CACNA1C: variants seen among roughly 807,000 people sequenced by gnomAD.
The protein encoded by CACNA1C is calcium voltage-gated channel subunit alpha1 C, also known as voltage-dependent L-type calcium channel subunit alpha-1C.
In CACNA1C, 30 loss-of-function variants were observed where a neutral mutation model predicts 229.0. That is an observed-to-expected ratio of 0.13 (90% CI 0.10 to 0.18). CACNA1C has a LOEUF of 0.18. Among genes scored for constraint, CACNA1C ranks in the 10% least tolerant of loss-of-function variants. CACNA1C has a pLI of 1.00. For missense variants in CACNA1C, 1,658 were observed against 2,845.0 expected, an observed-to-expected ratio of 0.58 and a Z score of 9.49; for synonymous variants, 1,114 against 1,132.5, an observed-to-expected ratio of 0.98 and a Z score of 0.33.
intron 3 of CACNA1C, among the ~76,000 whole-genome samples, chr12:2,187,531 C>T (rs2097077844): frequency 6.6e-6 from 1 of 151,288 alleles, no homozygotes. Context: ...CTGCGCAGGG[C>T]TTAGTTTGTT....
chr12:2,608,851 G>A lies in CACNA1C; in HGVS notation c.3558+139G>A. 1.2e-6 allele frequency: 1 copy of A among 814,300 alleles called. No homozygotes were observed. The highest frequency in any genetic ancestry group is 1.9e-6 in the Non-Finnish European group (1 of 520,022). 50.4% of individuals were successfully genotyped at this position (814,300 alleles called of 1,614,324 possible). ...TCTCTCTATTCCTCAACCAGAGTGG[G>A]CTGTCAGTCTTTTTGAGGGACCTGT... is the stretch of plus-strand genomic sequence containing the variant. On this transcript the variant is annotated intron_variant, in intron 27 of 46. Coordinates refer to ENST00000399655, the MANE Select transcript of CACNA1C (RefSeq NM_000719.7). The surrounding 1 kb of genome is among the most constrained non-coding windows in gnomAD (Gnocchi z 4.2).
intron 9 of CACNA1C, among the ~76,000 whole-genome samples, chr12:2,518,761 T>C (rs1422738766): frequency 6.6e-6 from 1 of 152,156 alleles, no homozygotes; most frequent in Non-Finnish European, 1.5e-5. Flanking sequence ...TTTGTTTTTG[T>C]CCTTGATTCT....
chr12:2,558,762 G>A (rs1216826845), intron 11 of CACNA1C, among the ~76,000 whole-genome samples: 1 of 152,142 alleles, frequency 6.6e-6, no homozygotes, highest in Admixed American at 6.5e-5. Context: ...GGGGACCCTG[G>A]TGTCTGACTT....
At chr12:2,419,994 G>T (rs1275328555) in intron 3 of CACNA1C, among the ~76,000 whole-genome samples, 1 of 152,118 alleles carries the variant, frequency 6.6e-6, no homozygotes, top group Non-Finnish European at 1.5e-5. Context: ...TTTCAGCCTT[G>T]CTCTGGCCCT....
intron 3 of CACNA1C, among the ~76,000 whole-genome samples, chr12:2,224,267 C>A (rs553742298): frequency 6.6e-6 from 1 of 152,276 alleles, no homozygotes; most frequent in South Asian, 2.1e-4. Context: ...AAGAGGCCTA[C>A]AAGAGAAAGT....
intron 1 of CACNA1C, among the ~76,000 whole-genome samples, chr12:2,008,504 C>T (rs138359282): frequency 1.3e-5 from 2 of 151,930 alleles, no homozygotes; most frequent in East Asian, 3.9e-4. Context: ...TGGTCCAATG[C>T]CTTGTACATA....
chr12:2,627,936 G>C (rs2087863726), intron 29 of CACNA1C, among the ~76,000 whole-genome samples: 1 of 152,222 alleles, frequency 6.6e-6, no homozygotes, highest in Admixed American at 6.5e-5. Flanking sequence ...GAACTCAGGA[G>C]CTGGCTGCCT....
chr12:2,175,928 C>A (rs188605786), intron 3 of CACNA1C, among the ~76,000 whole-genome samples: 2 of 152,094 alleles, frequency 1.3e-5, no homozygotes, highest in African/African-American at 4.8e-5. Context: ...TGCTGGGTAT[C>A]GTTCTAACAT....
intron 3 of CACNA1C, among the ~76,000 whole-genome samples, chr12:2,192,247 C>T (rs921601034): frequency 1.3e-5 from 2 of 152,194 alleles, no homozygotes; most frequent in Admixed American, 1.3e-4. Context: ...GCCTTTTTGC[C>T]AGGTTGGCTG....
chr12:1,996,554 C>A (rs1433305012), intron 1 of CACNA1C, among the ~76,000 whole-genome samples: 3 of 141,446 alleles, frequency 2.1e-5, no homozygotes, highest in Non-Finnish European at 4.5e-5. Flanking sequence ...TCCTGGGACA[C>A]CTTGGAAAGG....
chr12:2,310,356 T>A lies in CACNA1C; in HGVS notation c.478-138620T>A, dbSNP rs868662580. Among the ~76,000 whole-genome samples the A allele has an allele frequency of 3.9e-3, 577 of 147,436 alleles. 1 individual carries two copies. Among genetic ancestry groups the A allele is most frequent in the African/African-American group, 0.012 (465 of 39,646 alleles). On this transcript the variant is annotated intron_variant, in intron 3 of 46. Transcript: ENST00000399655. ...TGCCTCCCAGTTAAAAAAAAAAATA[T>A]ATATATATATATATATGTATGGGAA... is the stretch of plus-strand genomic sequence containing the variant.
intron 3 of CACNA1C, among the ~76,000 whole-genome samples, chr12:2,252,141 C>T (rs775279261): frequency 2.6e-5 from 4 of 152,134 alleles, no homozygotes; most frequent in African/African-American, 7.2e-5. Context: ...GACTGCACAC[C>T]ACTAAATCAA....
intron 1 of CACNA1C, among the ~76,000 whole-genome samples, chr12:1,985,356 G>A (rs1301304034): frequency 1.3e-5 from 2 of 151,996 alleles, no homozygotes; most frequent in East Asian, 3.9e-4. Flanking sequence ...CTATCTATGA[G>A]TTCACTAACT....
chr12:2,441,124 A>G (rs777384113), intron 3 of CACNA1C, among the ~76,000 whole-genome samples: 2 of 152,216 alleles, frequency 1.3e-5, no homozygotes, highest in Non-Finnish European at 2.9e-5. Context: ...ATGGAATTGC[A>G]TAACTGGGCT....
At chr12:2,625,567 C>A (rs1179012763) in intron 29 of CACNA1C, among the ~76,000 whole-genome samples, 1 of 152,102 alleles carries the variant, frequency 6.6e-6, no homozygotes, top group East Asian at 1.9e-4. Flanking sequence ...AAGAACCCCA[C>A]CAACAACAGC....
At chr12:2,359,648 C>T (rs976798445) in intron 3 of CACNA1C, among the ~76,000 whole-genome samples, 1 of 150,888 alleles carries the variant, frequency 6.6e-6, no homozygotes, top group Non-Finnish European at 1.5e-5. Flanking sequence ...TAGAGAAAAG[C>T]GGGGAAATGA....
At chr12:2,660,727 G>C (rs2095669738) in intron 34 of CACNA1C, 1 of 152,188 alleles carries the variant, frequency 6.6e-6, no homozygotes, top group South Asian at 2.1e-4. Flanking sequence ...GGGAGGCTGA[G>C]GCAGGAGAAT....
intron 3 of CACNA1C, among the ~76,000 whole-genome samples, chr12:2,351,381 G>T (rs73605790): frequency 1.3e-5 from 2 of 152,210 alleles, no homozygotes; most frequent in South Asian, 4.1e-4. Flanking sequence ...GCCATTGGCT[G>T]AAGCAAAACC....
intron 3 of CACNA1C, among the ~76,000 whole-genome samples, chr12:2,291,666 A>G (rs1475751740): frequency 6.6e-6 from 1 of 152,154 alleles, no homozygotes; most frequent in Non-Finnish European, 1.5e-5. Flanking sequence ...CCACTTGCAA[A>G]TGGCAGCGTT....
Sources: gnomAD v4.1 joint callset for allele counts (sites outside exome capture counted in the v4.1 genomes callset) on GRCh38, gnomAD v4.1.1 for gene constraint, Gnocchi (gnomAD v3.1) non-coding constraint, MANE v1.5 for transcripts, NCBI Gene and HGNC (gene_info 2026-07-23, HGNC 2026-07-21) for gene names.